RAP1GAP2: variants seen among roughly 807,000 people sequenced by gnomAD.
RAP1GAP2 encodes RAP1 GTPase activating protein 2, also known as rap1 GTPase-activating protein 2.
In RAP1GAP2, 27 loss-of-function variants were observed where a neutral mutation model predicts 95.0. That is an observed-to-expected ratio of 0.28 (90% confidence interval 0.21 to 0.39). The LOEUF is 0.39. Among genes scored for constraint, RAP1GAP2 ranks in the 10% least tolerant of loss-of-function variants. The pLI, the probability that RAP1GAP2 is intolerant of heterozygous loss-of-function variation, is 1.00. For missense variants in RAP1GAP2, 771 were observed against 970.0 expected (o/e 0.79, Z 2.72); for synonymous variants, 373 against 380.9 (o/e 0.98, Z 0.24).
chr17:2,889,735 T>C (rs2073625110), intron 2 of RAP1GAP2, among the ~76,000 whole-genome samples: 1 of 141,378 alleles, frequency 7.1e-6, no homozygotes, highest in Non-Finnish European at 1.5e-5. Context: ...CAGGCTGGAG[T>C]GCAGTGGCAC....
At chr17:2,809,006 G>T (rs776760728) in intron 2 of RAP1GAP2, among the ~76,000 whole-genome samples, 8 of 152,196 alleles carry the variant, frequency 5.3e-5, no homozygotes, top group Non-Finnish European at 1.0e-4. Flanking sequence ...GAAGGCGAGC[G>T]CTTAGCCGGT....
intron 2 of RAP1GAP2, among the ~76,000 whole-genome samples, chr17:2,843,028 C>A (rs763028092): frequency 2.0e-5 from 3 of 152,102 alleles, no homozygotes; most frequent in Admixed American, 6.6e-5. Flanking sequence ...AAGGTGTACA[C>A]GGTGTCTGCC....
In RAP1GAP2 at chr17:2,884,169, G is replaced by A. The variant is rs117856695; in HGVS notation, c.81-21115G>A. Among the ~76,000 whole-genome samples the A allele has an allele frequency of 2.0e-4, 31 of 152,262 alleles. No individual in the cohort carries two copies. In the East Asian group the frequency reaches 5.4e-3, roughly 27 times the overall value. ...TTGCAAGTGAGAAGCATCCTCTTAC[G>A]CCAGGACTCTGATTGGGCAGGGAAT... is the stretch of plus-strand genomic sequence containing the variant. On this transcript the variant is annotated intron_variant, in intron 2 of 24. Coordinates refer to ENST00000254695, the MANE Select transcript of RAP1GAP2 (RefSeq NM_015085.5).
At position 3,026,336 on chromosome 17, in the gene RAP1GAP2, C is replaced by T. The variant is rs1005823875; in HGVS notation, c.1866-14C>T. ...CGTGTGACCCGGGCTGGCCTCACTT[C>T]CTATTCCCTGCAGGCCCTTCATGAA... On this transcript the variant is annotated splice_polypyrimidine_tract_variant and intron_variant, in intron 20 of 24. Transcript: ENST00000254695. 6.5e-7 allele frequency: 1 copy of T among 1,545,528 alleles called. No individual in the cohort carries two copies. The highest frequency in any genetic ancestry group is 2.0e-5 in the Admixed American group (1 of 50,998).
chr17:2,762,651 T>G (rs1435465018), intron 1 of RAP1GAP2, among the ~76,000 whole-genome samples: 2 of 151,850 alleles, frequency 1.3e-5, no homozygotes, highest in African/African-American at 4.8e-5. Flanking sequence ...TCCACTTGCC[T>G]TGGCCTCCCA....
chr17:2,911,365 G>A (rs1211261803), intron 3 of RAP1GAP2, among the ~76,000 whole-genome samples: 2 of 151,808 alleles, frequency 1.3e-5, no homozygotes, highest in African/African-American at 4.8e-5. Flanking sequence ...AAACTGGCTG[G>A]TGCCGGGTGG....
intron 2 of RAP1GAP2, among the ~76,000 whole-genome samples, chr17:2,860,117 C>T (rs573721529): frequency 6.6e-6 from 1 of 152,162 alleles, no homozygotes; most frequent in South Asian, 2.1e-4. Flanking sequence ...GGGGTTTGTC[C>T]AGAATTCTGG....
chr17:2,995,654 G>A (rs564941888), intron 13 of RAP1GAP2, among the ~76,000 whole-genome samples, 188 bp downstream of exon 13: 4 of 152,330 alleles, frequency 2.6e-5, no homozygotes, highest in East Asian at 3.9e-4. Context: ...TCAGCGGTCC[G>A]TTCTGTTGTG....
At position 2,805,264 on chromosome 17, in the gene RAP1GAP2, C is replaced by T. The variant is rs556311630; in HGVS notation, c.80+4714C>T. Among the ~76,000 whole-genome samples the T allele has an allele frequency of 1.2e-4, 19 of 152,254 alleles. No homozygotes were observed. In the South Asian group the frequency reaches 2.1e-3, roughly 17 times the overall value. ...GGCCAGCTGGGCATGAGGTCCCTGTCGGGCAGGTGCCTGGGGTTTTCTTGT... is the reference window on the plus strand; with the variant it reads ...GGCCAGCTGGGCATGAGGTCCCTGTTGGGCAGGTGCCTGGGGTTTTCTTGT... On this transcript the variant is annotated intron_variant, in intron 2 of 24. Transcript: ENST00000254695.
At chr17:2,881,009 C>T (rs1176618705) in intron 2 of RAP1GAP2, among the ~76,000 whole-genome samples, 1 of 152,076 alleles carries the variant, frequency 6.6e-6, no homozygotes, top group Non-Finnish European at 1.5e-5. Flanking sequence ...TGTCTGTAAC[C>T]CAGCACTTTG....
rs555988711 is a variant in RAP1GAP2 at position 2,893,760 on chromosome 17, G to GGGAGGGGAACTGCTCTGT, written c.81-11523_81-11506dup. Among the ~76,000 whole-genome samples, 360 of 152,354 alleles carry GGGAGGGGAACTGCTCTGT rather than the reference G, an allele frequency of 2.4e-3. 1 individual carries two copies. Among genetic ancestry groups the GGGAGGGGAACTGCTCTGT allele is most frequent in the Admixed American group, 3.8e-3 (58 of 15,306 alleles). On this transcript the variant is annotated intron_variant, in intron 2 of 24. Transcript: ENST00000254695. ...CCAGGCAGAGCCGCTGACTGCGCCC[G>GGGAGGGGAACTGCTCTGT]GGAGGGGAACTGCTCTGTCGGCAGT...
chr17:3,013,484 C>T (rs968624634), intron 17 of RAP1GAP2, among the ~76,000 whole-genome samples: 1 of 152,158 alleles, frequency 6.6e-6, no homozygotes, highest in Non-Finnish European at 1.5e-5. Context: ...GCTAGAGGGA[C>T]AGAAGACCCG....
At chr17:2,793,621 C>T (rs2068988019), upstream of RAP1GAP2, among the ~76,000 whole-genome samples, 1 of 152,218 alleles carries the variant, frequency 6.6e-6, no homozygotes, top group Admixed American at 6.5e-5. Flanking sequence ...CTGACTGTTC[C>T]CACTTTCACT....
chr17:2,944,161 C>CAAA (rs36063732), intron 3 of RAP1GAP2, among the ~76,000 whole-genome samples: 14 of 81,782 alleles, frequency 1.7e-4, no homozygotes, highest in Non-Finnish European at 2.2e-4. Context: ...ACAGCAAAAC[C>CAAA]AAAAAAAAAA....
intron 2 of RAP1GAP2, among the ~76,000 whole-genome samples, chr17:2,822,769 A>G (rs2151523456): frequency 6.6e-6 from 1 of 150,604 alleles, no homozygotes; most frequent in East Asian, 2.0e-4. Flanking sequence ...GGTTTGTTAC[A>G]TATGTATACA....
At chr17:2,819,926 C>T (rs1187022757) in intron 2 of RAP1GAP2, among the ~76,000 whole-genome samples, 1 of 151,740 alleles carries the variant, frequency 6.6e-6, no homozygotes, top group South Asian at 2.1e-4. Context: ...GTTGGGACTA[C>T]AGCATGCACC....
At chr17:2,852,849 C>CACAG (rs953149750) in intron 2 of RAP1GAP2, among the ~76,000 whole-genome samples, 51 of 152,148 alleles carry the variant, frequency 3.4e-4, no homozygotes, top group African/African-American at 1.2e-3. Context: ...GGGACCAGGC[C>CACAG]ACAGCCCTTT....
intron 2 of RAP1GAP2, among the ~76,000 whole-genome samples, chr17:2,829,530 T>C (rs945760965): frequency 1.3e-5 from 2 of 152,128 alleles, no homozygotes; most frequent in Admixed American, 1.3e-4. Flanking sequence ...GGCAGCCCTG[T>C]CTTCATGTGA....
Position 3,008,211 on chromosome 17 carries a change from A to G in RAP1GAP2, c.1494+66A>G, listed in dbSNP as rs1194307095. 6.2e-7 allele frequency: 1 copy of G among 1,602,280 alleles called. No homozygotes were observed. Among genetic ancestry groups the G allele is most frequent in the Non-Finnish European group, 8.5e-7 (1 of 1,172,808 alleles). On this transcript the variant is annotated intron_variant, in intron 17 of 24. Transcript: ENST00000254695. This position sits in a 1 kb window ranked among gnomAD's most constrained non-coding sequence, Gnocchi z 4.2. ...GATTGGGGAAGAAAGGAAGTGGTCC[A>G]AGGTCCATGGGATACTGATCCCAGA...
Sources: allele counts gnomAD v4.1 joint callset (sites outside exome capture counted in the v4.1 genomes callset), GRCh38; gene constraint gnomAD v4.1.1; non-coding constraint Gnocchi (gnomAD v3.1); transcripts MANE v1.5; gene names NCBI Gene and HGNC (gene_info 2026-07-23, HGNC 2026-07-21).